The following GLYR1 variants were observed in gnomAD, a reference collection of about 807,000 sequenced individuals.
GLYR1 encodes the protein cytokine-like nuclear factor N-PAC.
GLYR1 carries 21 observed loss-of-function variants against 72.7 expected under a neutral mutation model. The observed-to-expected ratio is 0.29, with a 90% confidence interval of 0.20 to 0.42. The LOEUF (loss-of-function observed/expected upper bound fraction) is 0.42. GLYR1 is among the 10% of genes least tolerant of loss of function. The probability of loss-of-function intolerance (pLI) is 1.00; values close to 1 mark genes in which losing one functional copy is unlikely to be tolerated. For missense variants in GLYR1, 594 were observed against 712.1 expected (o/e 0.83, Z 1.89); for synonymous variants, 392 against 270.2 (o/e 1.45, Z -4.42).
chr16:4,830,061 C>T (rs146258549), intron 5 of GLYR1, among the ~76,000 whole-genome samples: 4 of 152,036 alleles, frequency 2.6e-5, no homozygotes, highest in African/African-American at 9.7e-5. Flanking sequence ...GCACTGGCCT[C>T]CCAAAGTGCT....
At chr16:4,826,386 G>T (rs1356410602) in intron 5 of GLYR1, among the ~76,000 whole-genome samples, 1 of 152,170 alleles carries the variant, frequency 6.6e-6, no homozygotes, top group Non-Finnish European at 1.5e-5. Context: ...GATTATGGGA[G>T]TGAGCCACTG....
Position 4,813,885 on chromosome 16 carries a change from T to C in GLYR1, c.1018-47A>G, listed in dbSNP as rs746042868. The C allele has an allele frequency of 5.0e-5, 74 of 1,469,488 alleles. No individual in the cohort carries two copies. The South Asian group carries it at 8.7e-4, about 17-fold the overall frequency. The allele number at this position is 1,469,488 out of a possible 1,614,324, so 91.0% of individuals were successfully genotyped here. A position where few individuals can be genotyped will look rare whatever the true frequency, so the allele number is the denominator to read the frequency against. On this transcript the variant is annotated intron_variant, in intron 11 of 15. Transcript: ENST00000321919. ...GCAATAGCCCAGGCTCCCGGGCAGA[T>C]GCTCAGGAGCCCTACAGACCTCAGA... is the stretch of plus-strand genomic sequence containing the variant.
chr16:4,811,054 G>T, intron 15 of GLYR1, 116 bp downstream of exon 15: 1 of 1,310,198 alleles, frequency 7.6e-7, no homozygotes. Context: ...GCATTGAGCT[G>T]AGATCGCACC....
intron 5 of GLYR1, among the ~76,000 whole-genome samples, chr16:4,825,656 C>CT (rs34529919): frequency 1.1e-3 from 166 of 147,148 alleles, no homozygotes; most frequent in Middle Eastern, 3.5e-3. Context: ...TTATCATCTT[C>CT]TTTTTTTTTT....
In GLYR1 at chr16:4,803,967, G is replaced by T. The variant is rs1401533899; in HGVS notation, c.*1269C>A. Reference sequence around the variant, plus strand: ...TCCAAGGACAAATGTAGGGCCTCTAGGATGTCCCAGACCCACCTCGGAGGG... The same window carrying T: ...TCCAAGGACAAATGTAGGGCCTCTATGATGTCCCAGACCCACCTCGGAGGG... On this transcript the variant is annotated 3_prime_UTR_variant, in exon 16 of 16. Transcript: ENST00000321919. The T allele has an allele frequency of 6.6e-6, 1 of 152,030 alleles. No individual in the cohort carries two copies. Among genetic ancestry groups the T allele is most frequent in the African/African-American group, 2.4e-5 (1 of 41,412 alleles). The allele number at this position is 152,030 out of a possible 1,614,324, so 9.4% of individuals were successfully genotyped here.
chr16:4,822,974 C>G, intron 6 of GLYR1, 43 bp from the exon 7 acceptor site: 1 of 1,532,660 alleles, frequency 6.5e-7, no homozygotes. Context: ...TATCTGCCAC[C>G]AAAGGTCACT....
At chr16:4,831,428 G>A (rs1356861737) in intron 5 of GLYR1, among the ~76,000 whole-genome samples, 2 of 152,094 alleles carry the variant, frequency 1.3e-5, no homozygotes, top group East Asian at 1.9e-4. Context: ...ACGATCCAGG[G>A]ACAAGCTTCC....
rs2086218729 is a variant in GLYR1 at position 4,847,211 on chromosome 16, C to G, written c.38+17G>C. 2 of 1,599,942 alleles carry G rather than the reference C, an allele frequency of 1.3e-6. No individual in the cohort carries two copies. Among genetic ancestry groups the G allele is most frequent in the Non-Finnish European group, 1.7e-6 (2 of 1,174,404 alleles). On this transcript the variant is annotated intron_variant, in intron 1 of 15. Coordinates refer to ENST00000321919, the MANE Select transcript of GLYR1 (RefSeq NM_032569.4). Reference sequence around the variant, plus strand: ...GCTCCCCGGCGCGTCTCGGTTGGCCCGGCCGCTCGGACTCACCACACCAAG... The same window carrying G: ...GCTCCCCGGCGCGTCTCGGTTGGCCGGGCCGCTCGGACTCACCACACCAAG...
rs1158485923 is a variant in GLYR1, at chr16:4,817,672, T to C, written c.832A>G (p.Met278Val). 6.2e-7 allele frequency: 1 copy of C among 1,612,826 alleles called. No individual in the cohort carries two copies. The highest frequency in any genetic ancestry group is 8.5e-7 in the Non-Finnish European group (1 of 1,179,032). The change falls in exon 10 of 16, where the codon ATG (methionine) becomes GTG (valine). Residue 278 changes from methionine to valine, a missense_variant. Met to Val is a conservative substitution (Grantham distance 21, BLOSUM62 1). Coordinates refer to ENST00000321919, the MANE Select transcript of GLYR1 (RefSeq NM_032569.4). Reference protein sequence around the residue: ...KKIGFLGLGLMGSGIVSNLLK... With the variant: ...KKIGFLGLGLVGSGIVSNLLK... ...AAGTTGGAGACGATTCCACTTCCCA[T>C]GAGACCAAGGCCCAAAAATCCTATC...
At chr16:4,824,725 C>T (rs114958321) in intron 5 of GLYR1, among the ~76,000 whole-genome samples, 140 of 152,202 alleles carry the variant, frequency 9.2e-4, no homozygotes, top group African/African-American at 3.2e-3. Context: ...TCCTCTTCAT[C>T]GATGGCCCGG....
intron 11 of GLYR1, 42 bp downstream of exon 11, chr16:4,814,495 G>T: frequency 6.8e-7 from 1 of 1,477,568 alleles, no homozygotes; most frequent in Non-Finnish European, 9.5e-7. Context: ...AGCAATCCTG[G>T]CTGTGACCCG....
At chr16:4,821,292 C>G in intron 9 of GLYR1, 88 bp downstream of exon 9, 1 of 1,334,188 alleles carries the variant, frequency 7.5e-7, no homozygotes, top group Non-Finnish European at 1.1e-6. Flanking sequence ...GGCTGGGACA[C>G]AACCCTTAAA....
chr16:4,807,617 C>A (rs1199338588), intron 15 of GLYR1, among the ~76,000 whole-genome samples: 1 of 152,168 alleles, frequency 6.6e-6, no homozygotes, highest in Non-Finnish European at 1.5e-5. Flanking sequence ...ATCCAAACGA[C>A]CTGAAAGCAG....
chr16:4,814,563 C>G lies in GLYR1; in HGVS notation c.991G>C (p.Val331Leu). The G allele has an allele frequency of 1.9e-6, 3 of 1,613,882 alleles. No homozygotes were observed. Among genetic ancestry groups the G allele is most frequent in the African/African-American group, 1.3e-5 (1 of 75,036 alleles). ...VSTCDITFAC[V>L]SDPKAAKDLV... The stretch of plus-strand genomic sequence containing the variant: ...TCCTTGGCCGCCTTGGGATCCGACA[C>G]GCAGGCGAAAGTGATGTCGCAGGTT... Residue 331 changes from valine to leucine, a missense_variant, in exon 11 of 16, where the codon GTG becomes CTG. Transcript: ENST00000321919.
chr16:4,814,683 C>G (rs773318279), intron 10 of GLYR1, 36 bp from the exon 11 acceptor site: 2 of 1,487,908 alleles, frequency 1.3e-6, no homozygotes, highest in Non-Finnish European at 1.9e-6. Context: ...GAGCTGCAGG[C>G]AGTGCACAAC....
At chr16:4,841,131 C>A (rs1416715565) in intron 3 of GLYR1, among the ~76,000 whole-genome samples, 3 of 152,080 alleles carry the variant, frequency 2.0e-5, no homozygotes, top group African/African-American at 4.8e-5. Context: ...CTCCAAAGAA[C>A]CTTCGTCAGT....
chr16:4,816,897 G>C (rs970779119), intron 10 of GLYR1, among the ~76,000 whole-genome samples: 4 of 151,066 alleles, frequency 2.6e-5, no homozygotes, highest in Non-Finnish European at 5.9e-5. Flanking sequence ...TGAGGCAGGA[G>C]AATCACTTGA....
intron 5 of GLYR1, among the ~76,000 whole-genome samples, chr16:4,831,228 A>G (rs1414079349): frequency 6.6e-6 from 1 of 152,058 alleles, no homozygotes; most frequent in Non-Finnish European, 1.5e-5. Flanking sequence ...AACATTTGCA[A>G]TTACCCCCTT....
intron 15 of GLYR1, among the ~76,000 whole-genome samples, chr16:4,809,265 C>G (rs749980288): frequency 6.9e-6 from 1 of 144,870 alleles, no homozygotes. Context: ...TCTAGGCTCA[C>G]TGCAACCTCC....
Sources: gnomAD v4.1 joint callset for allele counts (sites outside exome capture counted in the v4.1 genomes callset) on GRCh38, gnomAD v4.1.1 for gene constraint, MANE v1.5 for transcripts, NCBI Gene and HGNC (gene_info 2026-07-23, HGNC 2026-07-21) for gene names.